Variants in EDDM13 observed in about 807,000 individuals in gnomAD.
EDDM13 encodes the protein epididymal protein 13.
In EDDM13, 24 loss-of-function variants were observed where a neutral mutation model predicts 17.8. The observed-to-expected ratio is 1.35, with a 90% confidence interval of 0.98 to 1.90. EDDM13 has a LOEUF of 1.90. EDDM13 is among the 40% of genes most tolerant of loss of function. EDDM13 has a pLI of 0.00. For missense variants in EDDM13, 97 were observed against 100.8 expected (o/e 0.96, Z 0.16); for synonymous variants, 31 against 37.5 (o/e 0.83, Z 0.63).
chr19:56,284,308 C>A, intron 5 of EDDM13, 102 bp downstream of exon 5: 1 of 317,582 alleles, frequency 3.1e-6, no homozygotes, highest in Non-Finnish European at 4.6e-6. Context: ...TGTGTGTATT[C>A]ATTGGTGGGT....
In EDDM13 at chr19:56,281,634, T is replaced by G. The variant is rs1422533834; in HGVS notation, c.104-59T>G. 3.2e-6 allele frequency: 3 copies of G among 938,000 alleles called. No individual in the cohort carries two copies. The African/African-American group carries it at 5.3e-5, about 17-fold the overall frequency. 58.1% of individuals were successfully genotyped at this position (938,000 alleles called of 1,614,324 possible). A position where few individuals can be genotyped will look rare whatever the true frequency, so the allele number is the denominator to read the frequency against. On this transcript the variant is annotated intron_variant, in intron 2 of 14. Transcript: ENST00000649256. ...TGGATGATGTTAATATTAATTCCACTCTCTTCCTTGAATTTTCCATGTTGA... is the reference window on the plus strand; with the variant it reads ...TGGATGATGTTAATATTAATTCCACGCTCTTCCTTGAATTTTCCATGTTGA...
chr19:56,292,695 A>G (rs2039600604), intron 9 of EDDM13, among the ~76,000 whole-genome samples: 1 of 152,120 alleles, frequency 6.6e-6, no homozygotes, highest in Non-Finnish European at 1.5e-5. Flanking sequence ...CCAAAAAAAA[A>G]GTACCCATTA....
intron 14 of EDDM13, among the ~76,000 whole-genome samples, chr19:56,305,593 T>A (rs990015047): frequency 2.0e-5 from 3 of 151,944 alleles, no homozygotes; most frequent in African/African-American, 7.3e-5. Flanking sequence ...AAACTAGGAG[T>A]GGAATTGCTA....
At chr19:56,305,998 A>C (rs892476036) in intron 14 of EDDM13, among the ~76,000 whole-genome samples, 5 of 152,152 alleles carry the variant, frequency 3.3e-5, no homozygotes, top group Non-Finnish European at 7.4e-5. Context: ...GTGGGAGGGC[A>C]CTATGGGAGG....
rs1048020344 is a variant in EDDM13, at chr19:56,297,494, T to C, written c.269-11T>C. 3.1e-6 allele frequency: 3 copies of C among 983,542 alleles called. No homozygotes were observed. The African/African-American group carries it at 5.3e-5, about 17-fold the overall frequency. The allele number at this position is 983,542 out of a possible 1,614,324, so 60.9% of individuals were successfully genotyped here. A position where few individuals can be genotyped will look rare whatever the true frequency, so the allele number is the denominator to read the frequency against. Reference sequence around the variant, plus strand: ...CCTGCTTCTTTTTCTCCTCCATCTCTTCATTTTTAGAAGAAACAAGTGGCT... The same window carrying C: ...CCTGCTTCTTTTTCTCCTCCATCTCCTCATTTTTAGAAGAAACAAGTGGCT... On this transcript the variant is annotated splice_polypyrimidine_tract_variant and intron_variant, in intron 11 of 14. Coordinates refer to ENST00000649256, the MANE Select transcript of EDDM13 (RefSeq NM_001354658.2).
chr19:56,285,761 G>A (rs1353812916), intron 6 of EDDM13, among the ~76,000 whole-genome samples: 2 of 152,166 alleles, frequency 1.3e-5, no homozygotes, highest in East Asian at 1.9e-4. Flanking sequence ...TTACAGGCAT[G>A]AGCCATCACG....
At chr19:56,277,368 T>C (rs926229896) in intron 2 of EDDM13, among the ~76,000 whole-genome samples, 2 of 152,194 alleles carry the variant, frequency 1.3e-5, no homozygotes, top group Non-Finnish European at 2.9e-5. Flanking sequence ...AGAAACAAAG[T>C]TCTGATGCAT....
At chr19:56,286,107 C>T (rs563077390) in intron 6 of EDDM13, among the ~76,000 whole-genome samples, 12 of 152,184 alleles carry the variant, frequency 7.9e-5, no homozygotes, top group African/African-American at 2.7e-4. Context: ...TTGCAACCTC[C>T]GCCTCCCGGG....
At chr19:56,291,144 C>T (rs1039513031) in intron 9 of EDDM13, among the ~76,000 whole-genome samples, 12 of 152,072 alleles carry the variant, frequency 7.9e-5, no homozygotes, top group African/African-American at 2.9e-4. Context: ...GACCGTTGCC[C>T]CAGAAGACAA....
chr19:56,278,145 G>A (rs1049958315), intron 2 of EDDM13, among the ~76,000 whole-genome samples: 4 of 149,770 alleles, frequency 2.7e-5, no homozygotes, highest in South Asian at 2.1e-4. Context: ...TTTTGGAGAC[G>A]TAGTCTTGCT....
At chr19:56,279,319 T>C (rs2038502626) in intron 2 of EDDM13, among the ~76,000 whole-genome samples, 1 of 152,108 alleles carries the variant, frequency 6.6e-6, no homozygotes, top group African/African-American at 2.4e-5. Context: ...AGACTGTAAG[T>C]TCCTAGAGGG....
chr19:56,302,218 G>A, intron 13 of EDDM13, 123 bp downstream of exon 13: 1 of 558,104 alleles, frequency 1.8e-6, no homozygotes, highest in East Asian at 3.5e-5. Flanking sequence ...TGGTGGGAGA[G>A]CCCTTCTGTA....
At chr19:56,280,493 A>G (rs2038610428) in intron 2 of EDDM13, 1 of 152,182 alleles carries the variant, frequency 6.6e-6, no homozygotes. Context: ...ATACATGGAA[A>G]TATGTAGAAT....
intron 6 of EDDM13, among the ~76,000 whole-genome samples, chr19:56,285,555 T>C (rs1437269837): frequency 1.3e-5 from 2 of 152,316 alleles, no homozygotes; most frequent in East Asian, 3.9e-4. Context: ...CTAATATATA[T>C]GTTTTTAGTT....
chr19:56,308,968 G>A (rs1188511105), intron 14 of EDDM13, among the ~76,000 whole-genome samples: 6 of 152,184 alleles, frequency 3.9e-5, no homozygotes, highest in East Asian at 1.9e-4. Flanking sequence ...CAAATATTAC[G>A]TGTTGGCTTT....
At chr19:56,297,576 G>C (rs2039963190) in intron 12 of EDDM13, 45 bp downstream of exon 12, 1 of 959,086 alleles carries the variant, frequency 1.0e-6, no homozygotes, top group South Asian at 4.8e-5. Context: ...AAGACAGTGT[G>C]TCCCTTCTGT....
chr19:56,276,589 T>G (rs530587928), intron 2 of EDDM13, among the ~76,000 whole-genome samples: 1 of 150,196 alleles, frequency 6.7e-6, no homozygotes, highest in Non-Finnish European at 1.5e-5. Context: ...CAGGCTGGAG[T>G]GTAGTGGTGC....
At chr19:56,295,231 C>T (rs763965714) in intron 9 of EDDM13, 11 of 152,044 alleles carry the variant, frequency 7.2e-5, no homozygotes, top group African/African-American at 9.7e-5. Flanking sequence ...AAAACAACAA[C>T]GGGTGGTGGG....
chr19:56,307,301 ACCCCCACCC>A (rs2040754634), intron 14 of EDDM13, among the ~76,000 whole-genome samples: 1 of 152,076 alleles, frequency 6.6e-6, no homozygotes, highest in Non-Finnish European at 1.5e-5. Flanking sequence ...CATACGATAT[ACCCCCACCC>A]CCTGCTGCAG....
Sources: gnomAD v4.1 joint callset for allele counts (sites outside exome capture counted in the v4.1 genomes callset) on GRCh38, gnomAD v4.1.1 for gene constraint, MANE v1.5 for transcripts, NCBI Gene and HGNC (gene_info 2026-07-23, HGNC 2026-07-21) for gene names.